The following TMEM117 variants were observed in gnomAD, a reference collection of about 807,000 sequenced individuals.
TMEM117 encodes transmembrane protein 117.
TMEM117 carries 27 observed loss-of-function variants against 52.4 expected under a neutral mutation model. The observed-to-expected ratio is 0.51, with a 90% CI of 0.38 to 0.71. The LOEUF is 0.71. TMEM117 is among the 30% of genes least tolerant of loss of function. The pLI is 0.00. For synonymous variants in TMEM117, 215 were observed against 206.3 expected, an observed-to-expected ratio of 1.04 and a Z score of -0.36; for missense variants, 556 against 630.5, an observed-to-expected ratio of 0.88 and a Z score of 1.26.
chr12:43,900,852 GAA>G (rs1011308800), intron 2 of TMEM117, among the ~76,000 whole-genome samples: 5 of 152,124 alleles, frequency 3.3e-5, no homozygotes, highest in African/African-American at 1.2e-4. Flanking sequence ...AGGAAGAAAA[GAA>G]AAGAAGAGGA....
intron 6 of TMEM117, among the ~76,000 whole-genome samples, chr12:44,350,336 T>C (rs1017177621): frequency 1.6e-4 from 25 of 151,984 alleles, no homozygotes; most frequent in African/African-American, 6.0e-4. Flanking sequence ...TGCATAATAA[T>C]CATATCATGG....
intron 4 of TMEM117, among the ~76,000 whole-genome samples, chr12:44,209,653 T>C (rs536978270): frequency 1.3e-5 from 2 of 152,298 alleles, no homozygotes; most frequent in African/African-American, 2.4e-5. Flanking sequence ...AGATAGAGCC[T>C]ACATAAATCT....
At chr12:44,185,220 T>G (rs897886200) in intron 4 of TMEM117, among the ~76,000 whole-genome samples, 3 of 152,246 alleles carry the variant, frequency 2.0e-5, no homozygotes, top group African/African-American at 4.8e-5. Context: ...TCAGTGACTT[T>G]TCTAGTATCT....
intron 3 of TMEM117, among the ~76,000 whole-genome samples, chr12:44,107,663 A>C (rs975272070): frequency 3.9e-5 from 6 of 152,160 alleles, no homozygotes; most frequent in Non-Finnish European, 8.8e-5. Context: ...AAAATATTTC[A>C]ATGGTATTTA....
At chr12:44,337,731 A>G (rs1194852329) in intron 6 of TMEM117, among the ~76,000 whole-genome samples, 1 of 152,096 alleles carries the variant, frequency 6.6e-6, no homozygotes, top group African/African-American at 2.4e-5. Flanking sequence ...ACGGCATGCA[A>G]TCCATTCTCA....
Position 44,027,082 on chromosome 12 carries a change from C to CTATTTTATTT in TMEM117, c.410+82764_410+82773dup, listed in dbSNP as rs66667106. On this transcript the variant is annotated intron_variant, in intron 3 of 7. Transcript: ENST00000266534. ...TTTAAACCTCAAACCATTTCTTAGC[C>CTATTTTATTT]TATTTTATTTTATTTTATTTTATTT... Among the ~76,000 whole-genome samples the CTATTTTATTT allele has an allele frequency of 1.8e-4, 24 of 136,656 alleles. 1 individual carries two copies. The South Asian group carries it at 4.1e-3, about 23-fold the overall frequency. The allele number at this position is 136,656 out of a possible 152,430, so 89.7% of individuals were successfully genotyped here. A position where few individuals can be genotyped will look rare whatever the true frequency, so the allele number is the denominator to read the frequency against.
intron 3 of TMEM117, among the ~76,000 whole-genome samples, chr12:44,101,490 C>G (rs533155753): frequency 6.6e-6 from 1 of 151,984 alleles, no homozygotes; most frequent in South Asian, 2.1e-4. Flanking sequence ...TGGGACTCAT[C>G]ACTTCTCACC....
At chr12:43,980,217 A>G (rs1026886087) in intron 3 of TMEM117, among the ~76,000 whole-genome samples, 2 of 152,142 alleles carry the variant, frequency 1.3e-5, no homozygotes, top group Non-Finnish European at 2.9e-5. Context: ...AGGAGGAGGT[A>G]GTAAGGTAGG....
At chr12:44,318,062 T>C (rs73088660) in intron 6 of TMEM117, among the ~76,000 whole-genome samples, 5,202 of 152,204 alleles carry the variant, frequency 0.034, 107 homozygotes, top group Middle Eastern at 0.13. Context: ...GAACTCCTAA[T>C]CCAGTAGAGT....
intron 5 of TMEM117, among the ~76,000 whole-genome samples, chr12:44,214,104 A>G (rs966224601): frequency 7.2e-6 from 1 of 138,500 alleles, no homozygotes; most frequent in East Asian, 2.2e-4. Flanking sequence ...ACTCAGGTCT[A>G]TATATCACCA....
chr12:44,173,846 A>G (rs1949082823), intron 4 of TMEM117, among the ~76,000 whole-genome samples: 1 of 152,002 alleles, frequency 6.6e-6, no homozygotes, highest in Non-Finnish European at 1.5e-5. Flanking sequence ...TCTTCTAGTT[A>G]TTTATGGGTA....
At chr12:44,320,798 A>T (rs560532892) in intron 6 of TMEM117, among the ~76,000 whole-genome samples, 6 of 152,290 alleles carry the variant, frequency 3.9e-5, no homozygotes, top group Admixed American at 3.9e-4. Context: ...GATTAGAGTT[A>T]TTTTACTCTT....
At chr12:43,891,583 G>T (rs1944106605) in intron 2 of TMEM117, among the ~76,000 whole-genome samples, 1 of 151,418 alleles carries the variant, frequency 6.6e-6, no homozygotes, top group South Asian at 2.1e-4. Flanking sequence ...AGTCAGGATG[G>T]TCTCGATCCC....
intron 4 of TMEM117, among the ~76,000 whole-genome samples, chr12:44,177,334 G>A (rs550340051): frequency 1.0e-3 from 154 of 152,210 alleles, no homozygotes; most frequent in Non-Finnish European, 1.9e-3. Context: ...TACTGTTATA[G>A]CTCATTGAAG....
chr12:44,291,319 G>C (rs1198608114), intron 5 of TMEM117, among the ~76,000 whole-genome samples: 1 of 122,206 alleles, frequency 8.2e-6, no homozygotes, highest in Non-Finnish European at 1.8e-5. Context: ...GCTAACTTTT[G>C]TATGTTGATT....
At chr12:43,902,811 A>G (rs1007634837) in intron 2 of TMEM117, among the ~76,000 whole-genome samples, 16 of 152,332 alleles carry the variant, frequency 1.1e-4, no homozygotes, top group African/African-American at 3.6e-4. Context: ...CATATTAGTA[A>G]ATAAGATTTC....
At chr12:43,968,492 G>C (rs936316964) in intron 3 of TMEM117, among the ~76,000 whole-genome samples, 1 of 152,180 alleles carries the variant, frequency 6.6e-6, no homozygotes. Context: ...AATGGTTTAA[G>C]TTCTACTTGT....
rs1950815497 is a variant in TMEM117 at position 44,299,712 on chromosome 12, G to T, written c.741G>T (p.Leu247Phe). 1 of 1,613,930 alleles carries T rather than the reference G, an allele frequency of 6.2e-7. No homozygotes were observed. The change falls in exon 6 of 8, where the codon TTG becomes TTT. Residue 247 changes from leucine (L) to phenylalanine (F), a missense_variant. Around this residue, in one of 3 missense-constraint regions of TMEM117, gnomAD observed 328 missense variants for 371.4 expected, o/e 0.88. Coordinates refer to ENST00000266534, the MANE Select transcript of TMEM117 (RefSeq NM_032256.3). ...GAGCATTCCTTGCTTCTTTTATCTT[G>T]GTCTTTGACCTTCTTATTGTGATGC... ...VSRAFLASFI[L>F]VFDLLIVMQD... is the part of the protein sequence containing the mutation.
intron 4 of TMEM117, among the ~76,000 whole-genome samples, chr12:44,146,672 G>A (rs949402155): frequency 1.3e-5 from 2 of 152,156 alleles, no homozygotes; most frequent in Non-Finnish European, 2.9e-5. Context: ...GTCTACATAT[G>A]TGTATATTGA....
Sources: allele counts gnomAD v4.1 joint callset (sites outside exome capture counted in the v4.1 genomes callset), GRCh38; gene constraint gnomAD v4.1.1; regional missense constraint gnomAD v4.1.1; transcripts MANE v1.5; gene names NCBI Gene and HGNC (gene_info 2026-07-23, HGNC 2026-07-21).